The following ARHGAP15 variants were observed in gnomAD, a reference collection of about 807,000 sequenced individuals.
ARHGAP15 encodes Rho GTPase activating protein 15, also known as rho GTPase-activating protein 15.
Under a neutral mutation model 63.7 loss-of-function variants are expected in ARHGAP15, and 51 were observed. The observed-to-expected ratio is 0.80, with a 90% CI of 0.64 to 1.01. ARHGAP15 has a LOEUF of 1.01. Among genes scored for constraint, ARHGAP15 ranks in the 50% least tolerant of loss-of-function variants. The pLI, the probability that ARHGAP15 is intolerant of heterozygous loss-of-function variation, is 0.00. For missense variants in ARHGAP15, 560 were observed against 564.6 expected, an observed-to-expected ratio of 0.99 and a Z score of 0.08; for synonymous variants, 191 against 193.8, an observed-to-expected ratio of 0.99 and a Z score of 0.12.
intron 9 of ARHGAP15, among the ~76,000 whole-genome samples, chr2:143,491,960 C>T (rs1408834644): frequency 6.6e-6 from 1 of 152,136 alleles, no homozygotes; most frequent in Admixed American, 6.5e-5. Context: ...CAGCTCACTG[C>T]AACTCCTGCC....
chr2:143,274,831 A>G (rs985831743), intron 6 of ARHGAP15, among the ~76,000 whole-genome samples: 11 of 152,160 alleles, frequency 7.2e-5, no homozygotes, highest in African/African-American at 1.9e-4. Context: ...AAATGTCACA[A>G]TGAAGCAGGC....
chr2:143,372,868 A>G (rs1409652235), intron 6 of ARHGAP15, among the ~76,000 whole-genome samples: 2 of 152,144 alleles, frequency 1.3e-5, no homozygotes, highest in Non-Finnish European at 2.9e-5. Flanking sequence ...GATGATAAAG[A>G]TAAAGTATGT....
intron 11 of ARHGAP15, among the ~76,000 whole-genome samples, chr2:143,572,277 C>A (rs1396640911): frequency 1.3e-5 from 2 of 152,300 alleles, no homozygotes; most frequent in Non-Finnish European, 2.9e-5. Context: ...AAAATCATCA[C>A]CCACCTGTGT....
chr2:143,427,276 A>G (rs1689174321), intron 6 of ARHGAP15, among the ~76,000 whole-genome samples: 1 of 152,190 alleles, frequency 6.6e-6, no homozygotes, highest in Non-Finnish European at 1.5e-5. Flanking sequence ...ACTTCTGCTT[A>G]AGTCACTGTA....
intron 6 of ARHGAP15, among the ~76,000 whole-genome samples, chr2:143,333,028 C>T (rs1027101552): frequency 1.3e-5 from 2 of 149,636 alleles, no homozygotes; most frequent in African/African-American, 2.5e-5. Context: ...AAGTTGGCAT[C>T]GTCAGAAGAT....
intron 1 of ARHGAP15, among the ~76,000 whole-genome samples, chr2:143,136,657 TA>T (rs139888200): frequency 0.029 from 4,396 of 152,130 alleles, 216 homozygotes; most frequent in African/African-American, 0.1. Flanking sequence ...TCCCAATCCT[TA>T]AAAATATTAC....
chr2:143,311,941 G>A (rs933534093), intron 6 of ARHGAP15, among the ~76,000 whole-genome samples: 9 of 152,066 alleles, frequency 5.9e-5, no homozygotes, highest in South Asian at 4.1e-4. Flanking sequence ...AACTGTTTAC[G>A]TTGCATTGTG....
chr2:143,237,998 A>C (rs1403706587), intron 5 of ARHGAP15: 1 of 152,050 alleles, frequency 6.6e-6, no homozygotes, highest in African/African-American at 2.4e-5. Flanking sequence ...ATCTTGAGTT[A>C]ATTTTTGTAT....
At chr2:143,507,202 T>TAA (rs1693362134) in intron 9 of ARHGAP15, among the ~76,000 whole-genome samples, 1 of 152,182 alleles carries the variant, frequency 6.6e-6, no homozygotes, top group African/African-American at 2.4e-5. Flanking sequence ...CCCTTTCTTC[T>TAA]TCATTCTCAA....
chr2:143,462,214 G>T (rs575405991), intron 8 of ARHGAP15, among the ~76,000 whole-genome samples: 9 of 152,258 alleles, frequency 5.9e-5, no homozygotes, highest in Admixed American at 5.9e-4. Context: ...AGTTGGTTGT[G>T]TAAAGTAAAT....
chr2:143,177,209 T>C (rs1475472297), intron 2 of ARHGAP15, among the ~76,000 whole-genome samples: 1 of 152,236 alleles, frequency 6.6e-6, no homozygotes, highest in Non-Finnish European at 1.5e-5. Flanking sequence ...TTTTATATGC[T>C]GTCTTCTTTT....
intron 11 of ARHGAP15, among the ~76,000 whole-genome samples, chr2:143,611,931 T>C (rs1267113565): frequency 1.3e-5 from 2 of 152,214 alleles, no homozygotes; most frequent in Non-Finnish European, 2.9e-5. Flanking sequence ...TTTCTACAAA[T>C]ACTATTTAGT....
chr2:143,724,495 T>C (rs1236574522), intron 13 of ARHGAP15, among the ~76,000 whole-genome samples: 1 of 152,196 alleles, frequency 6.6e-6, no homozygotes, highest in Non-Finnish European at 1.5e-5. Flanking sequence ...TCCTTCCTCA[T>C]ATGTGGGTTA....
chr2:143,651,410 T>A (rs1380506133), intron 12 of ARHGAP15, among the ~76,000 whole-genome samples: 2 of 151,990 alleles, frequency 1.3e-5, no homozygotes, highest in Non-Finnish European at 2.9e-5. Context: ...ATCAAGTGAT[T>A]TTATTGCTAA....
intron 2 of ARHGAP15, among the ~76,000 whole-genome samples, chr2:143,181,919 A>G (rs1189257622): frequency 6.7e-6 from 1 of 149,554 alleles, no homozygotes; most frequent in Non-Finnish European, 1.5e-5. Context: ...TGCTTTCCTC[A>G]CTAAACTTAA....
chr2:143,469,574 T>C (rs1325832793), intron 8 of ARHGAP15, among the ~76,000 whole-genome samples: 1 of 152,106 alleles, frequency 6.6e-6, no homozygotes, highest in African/African-American at 2.4e-5. Context: ...GCTCCAGACC[T>C]ACACCATCCA....
intron 11 of ARHGAP15, among the ~76,000 whole-genome samples, chr2:143,610,218 T>C (rs1253804590): frequency 6.6e-6 from 1 of 152,130 alleles, no homozygotes; most frequent in African/African-American, 2.4e-5. Context: ...GTGTTCAGTA[T>C]ATAAATCCAA....
At chr2:143,231,088 T>TA (rs1314112055) in intron 5 of ARHGAP15, among the ~76,000 whole-genome samples, 5 of 150,390 alleles carry the variant, frequency 3.3e-5, no homozygotes, top group Admixed American at 3.3e-4. Context: ...TTTTTTTTTT[T>TA]ACCACTCATT....
intron 6 of ARHGAP15, among the ~76,000 whole-genome samples, chr2:143,403,444 A>G (rs771694221): frequency 1.3e-5 from 2 of 151,814 alleles, no homozygotes; most frequent in African/African-American, 4.8e-5. Flanking sequence ...ATTTTTCACT[A>G]ACTCAGAGAT....
Sources: gnomAD v4.1 joint callset for allele counts (sites outside exome capture counted in the v4.1 genomes callset) on GRCh38, gnomAD v4.1.1 for gene constraint, MANE v1.5 for transcripts, NCBI Gene and HGNC (gene_info 2026-07-23, HGNC 2026-07-21) for gene names.